The following COL18A1 variants were observed in gnomAD, a reference collection of about 807,000 sequenced individuals.
The protein encoded by COL18A1 is collagen alpha-1(XVIII) chain.
In COL18A1, 133 loss-of-function variants were observed where a neutral mutation model predicts 168.0. The observed-to-expected ratio is 0.79, with a 90% confidence interval of 0.69 to 0.91. The LOEUF (loss-of-function observed/expected upper bound fraction) is 0.91, where lower values mean the gene tolerates loss of function less well. COL18A1 is among the 40% of genes least tolerant of loss of function. The pLI, the probability that COL18A1 is intolerant of heterozygous loss-of-function variation, is 0.00. For missense variants in COL18A1, 2,126 were observed against 1,925.4 expected (o/e 1.10, Z -1.95); for synonymous variants, 949 against 809.0 (o/e 1.17, Z -2.94).
intron 2 of COL18A1, among the ~76,000 whole-genome samples, chr21:45,452,501 A>G (rs1006196254): frequency 3.1e-4 from 45 of 145,702 alleles, no homozygotes; most frequent in Admixed American, 2.7e-3. Flanking sequence ...GCATGTGTGT[A>G]TTCACGTGAC....
At chr21:45,462,208 T>G (rs1236400297) in intron 2 of COL18A1, among the ~76,000 whole-genome samples, 1 of 152,234 alleles carries the variant, frequency 6.6e-6, no homozygotes, top group African/African-American at 2.4e-5. Context: ...TCTCTGTTTT[T>G]GAAAGTTTGA....
intron 32 of COL18A1, among the ~76,000 whole-genome samples, chr21:45,503,591 T>A (rs980154635): frequency 2.0e-3 from 270 of 132,562 alleles, no homozygotes; most frequent in African/African-American, 5.8e-3. Flanking sequence ...AACAATGAGA[T>A]CACATGGACA....
rs765744081 is a variant in COL18A1 at position 45,480,092 on chromosome 21, GAGGGCCCCCAGGACCCCAAGGGCCTCC to G, written c.1351_1377del (p.Gln451_Pro459del). ...CAGGGAGACCCTGGGGTTGGAGAGA[GAGGGCCCCCAGGACCCCAAGGGCCTCC>G]AGGGCCCCCAGGACCCTCCTTCAGA... On this transcript the variant is annotated inframe_deletion, in exon 11 of 42. Coordinates refer to ENST00000651438, the MANE Select transcript of COL18A1 (RefSeq NM_001379500.1). 3.0e-5 allele frequency: 49 copies of G among 1,609,780 alleles called. No homozygotes were observed. The highest frequency in any genetic ancestry group is 4.0e-5 in the African/African-American group (3 of 74,738).
At chr21:45,414,799 G>A (rs1014321942) in intron 2 of COL18A1, among the ~76,000 whole-genome samples, 3 of 152,210 alleles carry the variant, frequency 2.0e-5, no homozygotes, top group Admixed American at 6.5e-5. Flanking sequence ...TACTGACCCC[G>A]AGCTGACCAC....
At chr21:45,432,659 C>T (rs2033994434) in intron 2 of COL18A1, among the ~76,000 whole-genome samples, 1 of 152,238 alleles carries the variant, frequency 6.6e-6, no homozygotes, top group African/African-American at 2.4e-5. Flanking sequence ...GGACAATGGC[C>T]AGTTTCTGTG....
At position 45,474,098 on chromosome 21, in the gene COL18A1, C is replaced by A. The variant is rs2035544688; in HGVS notation, c.738+117C>A. The A allele has an allele frequency of 9.3e-6, 7 of 756,234 alleles. No homozygotes were observed. The Admixed American group carries it at 1.5e-4, about 16-fold the overall frequency. The allele number at this position is 756,234 out of a possible 1,614,324, so 46.8% of individuals were successfully genotyped here. On this transcript the variant is annotated intron_variant, in intron 4 of 41. Transcript: ENST00000651438. ...ATATACCACTTGGGGCACTGGGAAG[C>A]TGCGATACCATTTCTGTGCTCTCCT...
At chr21:45,495,700 A>G (rs2036509654) in intron 29 of COL18A1, 3 of 426,044 alleles carry the variant, frequency 7.0e-6, no homozygotes, top group South Asian at 6.2e-5. Context: ...ACATGCCCAT[A>G]CACACGCGCA....
intron 2 of COL18A1, among the ~76,000 whole-genome samples, chr21:45,438,244 T>C (rs1321116058): frequency 9.7e-6 from 1 of 102,714 alleles, no homozygotes; most frequent in Non-Finnish European, 1.9e-5. Context: ...ACAGGCACTC[T>C]CCTGCACACA....
At chr21:45,512,136 G>A in intron 41 of COL18A1, 52 bp from the exon 42 acceptor site, 13 of 1,569,926 alleles carry the variant, frequency 8.3e-6, no homozygotes, top group African/African-American at 1.4e-5. Context: ...AGCGGCCTCT[G>A]CCCTAAGCAG....
At chr21:45,494,420 A>T in intron 26 of COL18A1, 125 bp from the exon 27 acceptor site, 1 of 1,385,800 alleles carries the variant, frequency 7.2e-7, no homozygotes, top group Non-Finnish European at 1.0e-6. Context: ...AGCGGCCCTT[A>T]GGGAGGCTAT....
In COL18A1 at chr21:45,509,935, G is replaced by C. The variant is rs527370819; in HGVS notation, c.3496-129G>C. 44 of 1,081,420 alleles carry C rather than the reference G, an allele frequency of 4.1e-5. No individual in the cohort carries two copies. In the Admixed American group the frequency reaches 4.1e-4, roughly 10 times the overall value. The allele number at this position is 1,081,420 out of a possible 1,614,324, so 67.0% of individuals were successfully genotyped here. A position where few individuals can be genotyped will look rare whatever the true frequency, so the allele number is the denominator to read the frequency against. ...GCCTGGGCCCCTCAGTGTGTCACTTGCGCGCCTCCCGCTCAGCGCCCCTCG... is the reference window on the plus strand; with the variant it reads ...GCCTGGGCCCCTCAGTGTGTCACTTCCGCGCCTCCCGCTCAGCGCCCCTCG... On this transcript the variant is annotated intron_variant, in intron 39 of 41. Transcript: ENST00000651438.
rs775422006 is a variant in COL18A1 at position 45,512,768 on chromosome 21, A to T, written c.*370A>T. The T allele has an allele frequency of 1.4e-5, 5 of 361,458 alleles. No individual in the cohort carries two copies. The highest frequency in any genetic ancestry group is 2.1e-5 in the Non-Finnish European group (4 of 189,724). 22.4% of individuals were successfully genotyped at this position (361,458 alleles called of 1,614,324 possible). On this transcript the variant is annotated 3_prime_UTR_variant, in exon 42 of 42. Coordinates refer to ENST00000651438, the MANE Select transcript of COL18A1 (RefSeq NM_001379500.1). Reference sequence around the variant, plus strand: ...GCTCGCCCCAGCAGGTGCTGACTTCATCTCCCACCTAGCAGCACCGTTCTG... The same window carrying T: ...GCTCGCCCCAGCAGGTGCTGACTTCTTCTCCCACCTAGCAGCACCGTTCTG...
At chr21:45,453,476 A>G (rs573076090) in intron 2 of COL18A1, among the ~76,000 whole-genome samples, 2 of 152,290 alleles carry the variant, frequency 1.3e-5, no homozygotes, top group South Asian at 4.1e-4. Context: ...TGTAGTAGCC[A>G]CCCTTGCCAG....
intron 13 of COL18A1, 35 bp downstream of exon 13, chr21:45,480,893 C>T: frequency 1.9e-6 from 3 of 1,589,454 alleles, no homozygotes; most frequent in African/African-American, 2.7e-5. Flanking sequence ...GTCGGGAGCC[C>T]TGTCTGCTGG....
At chr21:45,436,092 T>C (rs2034087814) in intron 2 of COL18A1, among the ~76,000 whole-genome samples, 1 of 152,224 alleles carries the variant, frequency 6.6e-6, no homozygotes, top group Non-Finnish European at 1.5e-5. Context: ...GTGCAGCGTT[T>C]GCAGACAGTA....
intron 2 of COL18A1, among the ~76,000 whole-genome samples, chr21:45,412,253 T>TTC (rs3082477): frequency 2.7e-5 from 4 of 147,650 alleles, no homozygotes; most frequent in East Asian, 4.0e-4. Flanking sequence ...TTTTTTTTTT[T>TTC]CGAGATGGAG....
At chr21:45,494,684 G>C in intron 27 of COL18A1, 113 bp downstream of exon 27, 1 of 1,517,512 alleles carries the variant, frequency 6.6e-7, no homozygotes, top group Non-Finnish European at 9.1e-7. Flanking sequence ...CATCTCCCTA[G>C]TGCAGTTTTA....
At chr21:45,455,989 C>G (rs947330907) in intron 2 of COL18A1, 1 of 1,612,878 alleles carries the variant, frequency 6.2e-7, no homozygotes, top group African/African-American at 1.3e-5. Context: ...GCCCCCTTGC[C>G]CTCGCTGGGC....
rs2033068647 is a variant in COL18A1 at position 45,405,520 on chromosome 21, C to G, written c.106+47C>G. ...AAGGTTCGCGCCGGTGCCCGCCGGC[C>G]TCGCCGCCCTGGCTGGGGTCCCCGC... is the stretch of plus-strand genomic sequence containing the variant. On this transcript the variant is annotated intron_variant, in intron 2 of 41. Coordinates refer to ENST00000651438, the MANE Select transcript of COL18A1 (RefSeq NM_001379500.1). 3 of 1,183,172 alleles carry G rather than the reference C, an allele frequency of 2.5e-6. No homozygotes were observed. The African/African-American group carries it at 4.8e-5, about 19-fold the overall frequency. 73.3% of individuals were successfully genotyped at this position (1,183,172 alleles called of 1,614,324 possible). A position where few individuals can be genotyped will look rare whatever the true frequency, so the allele number is the denominator to read the frequency against.
Sources: allele counts gnomAD v4.1 joint callset (sites outside exome capture counted in the v4.1 genomes callset), GRCh38; gene constraint gnomAD v4.1.1; transcripts MANE v1.5; gene names NCBI Gene and HGNC (gene_info 2026-07-23, HGNC 2026-07-21).